Variants in KLHL32 observed in about 807,000 individuals in gnomAD.
KLHL32 encodes the protein kelch-like protein 32.
Under a neutral mutation model 64.8 loss-of-function variants are expected in KLHL32, and 35 were observed. That is an observed-to-expected ratio of 0.54 (90% CI 0.41 to 0.72). The LOEUF (loss-of-function observed/expected upper bound fraction) is 0.72, where lower values mean the gene tolerates loss of function less well. Ranked by LOEUF, KLHL32 falls within the 30% of genes least tolerant of loss-of-function variation. KLHL32 has a pLI of 0.00. For missense variants in KLHL32, 589 were observed against 768.5 expected, an observed-to-expected ratio of 0.77 and a Z score of 2.76; for synonymous variants, 259 against 281.0, an observed-to-expected ratio of 0.92 and a Z score of 0.78.
intron 3 of KLHL32, among the ~76,000 whole-genome samples, chr6:96,990,856 G>T (rs1174130487): frequency 2.0e-5 from 3 of 152,124 alleles, no homozygotes; most frequent in Non-Finnish European, 4.4e-5. Context: ...GTTTCTGGAG[G>T]TGTAGGTAAA....
chr6:96,966,762 C>T (rs1347046145), intron 1 of KLHL32, among the ~76,000 whole-genome samples: 1 of 152,116 alleles, frequency 6.6e-6, no homozygotes, highest in African/African-American at 2.4e-5. Context: ...ATTGTTGATT[C>T]TCAAACATAT....
intron 3 of KLHL32, among the ~76,000 whole-genome samples, chr6:96,978,752 T>C (rs1775980937): frequency 6.6e-6 from 1 of 152,196 alleles, no homozygotes; most frequent in African/African-American, 2.4e-5. Flanking sequence ...CTAATTTGCA[T>C]TGCCACCAGC....
chr6:96,984,776 G>A (rs1251357828), intron 3 of KLHL32, among the ~76,000 whole-genome samples: 1 of 152,164 alleles, frequency 6.6e-6, no homozygotes, highest in Non-Finnish European at 1.5e-5. Flanking sequence ...CTCTGCACGT[G>A]AGATGGGTTT....
intron 1 of KLHL32, among the ~76,000 whole-genome samples, chr6:96,960,806 CG>C (rs375829787): frequency 2.0e-5 from 3 of 152,120 alleles, no homozygotes; most frequent in African/African-American, 7.2e-5. Flanking sequence ...CAGCTGGAAG[CG>C]GGGGCTTCTG....
chr6:97,035,051 G>T (rs141865860), intron 3 of KLHL32, among the ~76,000 whole-genome samples: 1 of 151,870 alleles, frequency 6.6e-6, no homozygotes, highest in Non-Finnish European at 1.5e-5. Flanking sequence ...GCGGTCTCTC[G>T]TCTTCTCTTG....
chr6:97,114,794 CTCT>C (rs1278646417), intron 7 of KLHL32, among the ~76,000 whole-genome samples: 1 of 152,148 alleles, frequency 6.6e-6, no homozygotes, highest in Non-Finnish European at 1.5e-5. Context: ...CTCCTGTCAG[CTCT>C]TGATTATTCA....
intron 3 of KLHL32, among the ~76,000 whole-genome samples, chr6:96,988,805 G>C (rs1425782907): frequency 6.6e-6 from 1 of 152,088 alleles, no homozygotes; most frequent in African/African-American, 2.4e-5. Context: ...TCCTTTGTAG[G>C]GACATGGATG....
At chr6:96,992,654 G>A (rs1170426284) in intron 3 of KLHL32, among the ~76,000 whole-genome samples, 1 of 152,170 alleles carries the variant, frequency 6.6e-6, no homozygotes, top group African/African-American at 2.4e-5. Context: ...GGCATTTAAC[G>A]GTGTTTGCTG....
chr6:96,914,606 G>A, the KLHL32 span: 9,991 of 152,148 alleles, frequency 0.066, 395 homozygotes, highest in Middle Eastern at 0.14. Flanking sequence ...CCTCAACACC[G>A]TTCCTTTCCT....
At chr6:97,095,059 C>T (rs1039483257) in intron 6 of KLHL32, among the ~76,000 whole-genome samples, 7 of 152,256 alleles carry the variant, frequency 4.6e-5, no homozygotes, top group Non-Finnish European at 7.4e-5. Context: ...TGTAATTCTA[C>T]GTGAATTACA....
intron 4 of KLHL32, among the ~76,000 whole-genome samples, chr6:97,052,481 T>C (rs1243907016): frequency 6.6e-6 from 1 of 152,248 alleles, no homozygotes; most frequent in Non-Finnish European, 1.5e-5. Flanking sequence ...TGTGTTTATA[T>C]GTAAAACAGA....
chr6:97,019,571 G>T (rs1781703962), intron 3 of KLHL32, among the ~76,000 whole-genome samples: 1 of 152,212 alleles, frequency 6.6e-6, no homozygotes, highest in Non-Finnish European at 1.5e-5. Flanking sequence ...GGTGAAGTCG[G>T]TCTGCCCACA....
Position 97,100,502 on chromosome 6 carries a change from C to G in KLHL32, c.628-13281C>G, listed in dbSNP as rs573853032. ...CCTGTGCTTCAGTTTATGGGTTCCC[C>G]CATGCCAGTCTCTGTGCCCCATGGC... On this transcript the variant is annotated intron_variant, in intron 6 of 10. Coordinates refer to ENST00000369261, the MANE Select transcript of KLHL32 (RefSeq NM_052904.4). 4.6e-4 allele frequency among the ~76,000 whole-genome samples: 70 copies of G among 152,326 alleles called. 1 individual carries two copies. The highest frequency in any genetic ancestry group is 1.6e-3 in the African/African-American group (68 of 41,566).
chr6:97,006,403 A>G (rs1779670962), intron 3 of KLHL32, among the ~76,000 whole-genome samples: 1 of 152,076 alleles, frequency 6.6e-6, no homozygotes, highest in South Asian at 2.1e-4. Context: ...TATCGGGGTT[A>G]TTGCATGTGA....
chr6:96,968,073 C>T (rs552711799), intron 2 of KLHL32, among the ~76,000 whole-genome samples: 6 of 152,322 alleles, frequency 3.9e-5, no homozygotes, highest in African/African-American at 1.4e-4. Context: ...ATGAGACCAG[C>T]TTCTTTCCAT....
At position 97,007,732 on chromosome 6, in the gene KLHL32, G is replaced by C. The variant is rs1358365780; in HGVS notation, c.204+31555G>C. ...TAGGTACAGTCAACTGGCCTCATTT[G>C]TGGAAGATTTTATGAGGCCAAGGCT... On this transcript the variant is annotated intron_variant, in intron 3 of 10. Transcript: ENST00000369261. Among the ~76,000 whole-genome samples, 3 of 152,260 alleles carry C rather than the reference G, an allele frequency of 2.0e-5. 1 individual carries two copies. The South Asian group carries it at 6.2e-4, about 32-fold the overall frequency.
intron 3 of KLHL32, among the ~76,000 whole-genome samples, chr6:96,991,490 G>A (rs1305143629): frequency 6.6e-6 from 1 of 152,000 alleles, no homozygotes; most frequent in Non-Finnish European, 1.5e-5. Flanking sequence ...GCTATGGGTT[G>A]TCTCTGGGGA....
chr6:97,085,485 A>C lies in KLHL32; in HGVS notation c.627+144A>C, dbSNP rs1582975315. On this transcript the variant is annotated intron_variant, in intron 6 of 10. Coordinates refer to ENST00000369261, the MANE Select transcript of KLHL32 (RefSeq NM_052904.4). ...AGAAGTCATGCTTCCTTGATGGACA[A>C]GTGATTGGAGAACACTGGCCCTTGA... 7 of 695,724 alleles carry C rather than the reference A, an allele frequency of 1.0e-5. No individual in the cohort carries two copies. The East Asian group carries it at 1.9e-4, about 19-fold the overall frequency. 43.1% of individuals were successfully genotyped at this position (695,724 alleles called of 1,614,324 possible). A position where few individuals can be genotyped will look rare whatever the true frequency, so the allele number is the denominator to read the frequency against.
At chr6:96,904,339 C>CAAAAAAAAAAAAAAAAAAAAAAAA in the KLHL32 span, among the ~76,000 whole-genome samples, 1 of 106,072 alleles carries the variant, frequency 9.4e-6, no homozygotes, top group African/African-American at 3.6e-5. Context: ...AAGACTTTGT[C>CAAAAAAAAAAAAAAAAAAAAAAAA]AAAAAAAAAA....
Sources: gnomAD v4.1 joint callset for allele counts (sites outside exome capture counted in the v4.1 genomes callset) on GRCh38, gnomAD v4.1.1 for gene constraint, MANE v1.5 for transcripts, NCBI Gene and HGNC (gene_info 2026-07-23, HGNC 2026-07-21) for gene names.